The following DDX60L variants were observed in gnomAD, a reference collection of about 807,000 sequenced individuals.
The protein encoded by DDX60L is DExD/H-box 60 like.
A neutral mutation model predicts 211.6 loss-of-function variants in DDX60L; 191 were observed. The ratio of observed to expected loss-of-function variants is 0.90; its 90% confidence interval spans 0.80 to 1.02. The LOEUF is 1.02. Ranked by LOEUF, DDX60L falls within the 50% of genes least tolerant of loss-of-function variation. The pLI, the probability that DDX60L is intolerant of heterozygous loss-of-function variation, is 0.00. For missense variants in DDX60L, 2,007 were observed against 1,984.1 expected (o/e 1.01, Z -0.22); for synonymous variants, 706 against 694.1 (o/e 1.02, Z -0.27).
intron 1 of DDX60L, among the ~76,000 whole-genome samples, chr4:168,473,465 T>TG (rs1363363252): frequency 6.6e-6 from 1 of 152,108 alleles, no homozygotes; most frequent in Admixed American, 6.6e-5. Flanking sequence ...GTGGATTTAT[T>TG]GGGGGGCCAT....
intron 26 of DDX60L, among the ~76,000 whole-genome samples, chr4:168,397,474 G>C (rs752265432): frequency 6.6e-6 from 1 of 152,214 alleles, no homozygotes; most frequent in African/African-American, 2.4e-5. Context: ...AGATCTATCT[G>C]AGGCAATCAT....
intron 25 of DDX60L, among the ~76,000 whole-genome samples, chr4:168,402,047 T>C (rs905006734): frequency 5.9e-5 from 9 of 151,900 alleles, no homozygotes; most frequent in East Asian, 1.9e-4. Context: ...AATTTTAAAA[T>C]GTCTTCAAGG....
intron 22 of DDX60L, among the ~76,000 whole-genome samples, chr4:168,411,875 G>A (rs1012621244): frequency 1.1e-4 from 17 of 152,094 alleles, no homozygotes; most frequent in African/African-American, 3.1e-4. Context: ...GAGTAAAGAC[G>A]ACTTTGTCTT....
chr4:168,398,621 G>A (rs1306044603), intron 26 of DDX60L, among the ~76,000 whole-genome samples: 2 of 152,212 alleles, frequency 1.3e-5, no homozygotes, highest in Admixed American at 1.3e-4. Context: ...ACTTAACGGT[G>A]CTTTCTCCAG....
intron 8 of DDX60L, among the ~76,000 whole-genome samples, chr4:168,449,643 A>AAAAAAG: frequency 1.3e-5 from 1 of 75,524 alleles, no homozygotes; most frequent in African/African-American, 6.0e-5. Context: ...AAAACAAAAA[A>AAAAAAG]AAAAAATGCA....
intron 12 of DDX60L, 52 bp downstream of exon 12, chr4:168,432,403 G>T: frequency 1.1e-6 from 1 of 951,198 alleles, no homozygotes; most frequent in Non-Finnish European, 1.5e-6. Flanking sequence ...AATAAAAAGA[G>T]CAGCAAAGGC....
rs776813390 is a variant in DDX60L at position 168,453,230 on chromosome 4, C to G, written c.890G>C (p.Arg297Pro). ...GAGTTGAAAAGCCACACAGAGGCAA[C>G]GCAGTCTGCAGAAATCTTCCACCTC... ...LQEVEDFCRL[R>P]CLCVAFQLHL... is the part of the protein sequence containing the mutation. Residue 297 changes from arginine to proline, a missense_variant, in exon 8 of 38, where the codon CGT (arginine) becomes CCT (proline). Coordinates refer to ENST00000682922, the MANE Select transcript of DDX60L (RefSeq NM_001012967.3). The G allele has an allele frequency of 2.5e-6, 4 of 1,612,868 alleles. No individual in the cohort carries two copies. The highest frequency in any genetic ancestry group is 3.3e-5 in the Admixed American group (2 of 59,802).
chr4:168,395,239 T>C (rs1279293636), intron 27 of DDX60L, among the ~76,000 whole-genome samples: 1 of 152,202 alleles, frequency 6.6e-6, no homozygotes, highest in African/African-American at 2.4e-5. Context: ...CACATAAATA[T>C]ATACTATGAA....
At position 168,404,104 on chromosome 4, in the gene DDX60L, G is replaced by T; in HGVS notation, c.3216C>A (p.Val1072=). The T allele has an allele frequency of 7.5e-7, 1 of 1,331,678 alleles. No homozygotes were observed. The highest frequency in any genetic ancestry group is 2.1e-5 in the South Asian group (1 of 47,064). The allele number at this position is 1,331,678 out of a possible 1,614,324, so 82.5% of individuals were successfully genotyped here. The part of the protein sequence containing the change: ...NWIKNGQVKK[V]KRVLKNLSPD... ...GACTAAGGTTCTTCAGTACTCTTTTGACCTACAACAGTAAGTAAAAATTAT... is the reference window on the plus strand; with the variant it reads ...GACTAAGGTTCTTCAGTACTCTTTTTACCTACAACAGTAAGTAAAAATTAT... The change falls in exon 25 of 38, where the codon GTC becomes GTA. Residue 1072 remains valine, a splice_region_variant and synonymous_variant. Coordinates refer to ENST00000682922, the MANE Select transcript of DDX60L (RefSeq NM_001012967.3).
chr4:168,388,683 A>C (rs1744294597), intron 29 of DDX60L, among the ~76,000 whole-genome samples: 1 of 152,236 alleles, frequency 6.6e-6, no homozygotes, highest in Non-Finnish European at 1.5e-5. Flanking sequence ...GGAATCTAGG[A>C]CCAGATTCCC....
chr4:168,432,065 G>C (rs529345774), intron 12 of DDX60L, among the ~76,000 whole-genome samples: 117 of 152,128 alleles, frequency 7.7e-4, no homozygotes, highest in African/African-American at 2.7e-3. Flanking sequence ...AACAGCATCT[G>C]ATATTTTCAT....
At chr4:168,421,509 G>T (rs1750609210) in intron 17 of DDX60L, among the ~76,000 whole-genome samples, 1 of 152,080 alleles carries the variant, frequency 6.6e-6, no homozygotes, top group Admixed American at 6.6e-5. Context: ...ACAAAAATTA[G>T]CCCAGCATGG....
At chr4:168,391,670 A>G (rs1251449310) in intron 28 of DDX60L, 26 bp from the exon 29 acceptor site, 2 of 1,244,950 alleles carry the variant, frequency 1.6e-6, no homozygotes, top group South Asian at 2.8e-5. Flanking sequence ...AAAAACAGTC[A>G]ATACACAATA....
chr4:168,358,263 C>G lies in DDX60L; in HGVS notation c.5005G>C (p.Glu1669Gln). ...NIQAISDSLS[E>Q]LCENKRDNVV... ...TTGTCACGCTTATTTTCACATAGTT[C>G]ACTCAAGGAGTCACTGTATAAATGA... The change falls in exon 38 of 38, where the codon GAA becomes CAA. Residue 1669 changes from glutamate (E) to glutamine (Q), a missense_variant. Coordinates refer to ENST00000682922, the MANE Select transcript of DDX60L (RefSeq NM_001012967.3). 1.3e-6 allele frequency: 2 copies of G among 1,586,256 alleles called. No homozygotes were observed. The highest frequency in any genetic ancestry group is 1.7e-6 in the Non-Finnish European group (2 of 1,166,176).
chr4:168,429,740 C>T (rs72695165), intron 13 of DDX60L, among the ~76,000 whole-genome samples: 2,165 of 152,208 alleles, frequency 0.014, 31 homozygotes, highest in Middle Eastern at 0.044. Flanking sequence ...AGGGGGTTTC[C>T]GATAAATGGT....
chr4:168,454,779 T>TTTTTTTTTTTTTTTTTTTTTTTTG (rs56928644), intron 7 of DDX60L, among the ~76,000 whole-genome samples: 2 of 141,084 alleles, frequency 1.4e-5, no homozygotes, highest in East Asian at 2.0e-4. Context: ...TTTTTTTTTT[T>TTTTTTTTTTTTTTTTTTTTTTTTG]AGCAGCTAGA....
chr4:168,382,054 T>C (rs984086189), intron 30 of DDX60L, among the ~76,000 whole-genome samples: 1 of 152,198 alleles, frequency 6.6e-6, no homozygotes, highest in African/African-American at 2.4e-5. Context: ...GAAGACTCTT[T>C]GTCTTGGCAA....
At chr4:168,407,474 G>C (rs556732302) in intron 22 of DDX60L, among the ~76,000 whole-genome samples, 22 of 152,234 alleles carry the variant, frequency 1.4e-4, no homozygotes, top group African/African-American at 5.3e-4. Context: ...GTACAAAAGG[G>C]ATAAAGTAAC....
intron 10 of DDX60L, among the ~76,000 whole-genome samples, chr4:168,438,032 C>T (rs1221965747): frequency 1.3e-5 from 2 of 152,070 alleles, no homozygotes; most frequent in African/African-American, 4.8e-5. Flanking sequence ...TGCCACCATG[C>T]CCAGATAATT....
Sources: gnomAD v4.1 joint callset for allele counts (sites outside exome capture counted in the v4.1 genomes callset) on GRCh38, gnomAD v4.1.1 for gene constraint, MANE v1.5 for transcripts, NCBI Gene and HGNC (gene_info 2026-07-23, HGNC 2026-07-21) for gene names.